Variants in TSPAN18 observed in about 807,000 individuals in gnomAD.
TSPAN18 encodes the protein tetraspanin-18.
In TSPAN18, 14 loss-of-function variants were observed where a neutral mutation model predicts 27.3. The ratio of observed to expected loss-of-function variants is 0.51; its 90% confidence interval spans 0.34 to 0.80. TSPAN18 has a LOEUF of 0.80. TSPAN18 is among the 30% of genes least tolerant of loss of function. TSPAN18 has a pLI of 0.01. For missense variants in TSPAN18, 268 were observed against 323.9 expected, an observed-to-expected ratio of 0.83 and a Z score of 1.32; for synonymous variants, 143 against 136.5, an observed-to-expected ratio of 1.05 and a Z score of -0.33.
intron 2 of TSPAN18, among the ~76,000 whole-genome samples, chr11:44,794,394 A>G (rs835847): frequency 0.96 from 145,794 of 152,260 alleles, 70,113 homozygotes; most frequent in South Asian, 1. Context: ...CTGGCCGGGC[A>G]TGGTAGCTCA....
At chr11:44,899,677 A>G (rs999077692) in intron 3 of TSPAN18, among the ~76,000 whole-genome samples, 1 of 152,216 alleles carries the variant, frequency 6.6e-6, no homozygotes, top group Non-Finnish European at 1.5e-5. Context: ...TTTCATGCTC[A>G]GCACAATTTC....
intron 3 of TSPAN18, among the ~76,000 whole-genome samples, chr11:44,879,938 G>T (rs759203172): frequency 5.4e-4 from 83 of 152,356 alleles, no homozygotes; most frequent in Non-Finnish European, 1.0e-3. Flanking sequence ...GTAGGCAAGA[G>T]ATGGCTCCTC....
Position 44,851,623 on chromosome 11 carries a change from C to CA in TSPAN18, c.-152-8705_-152-8704insA, listed in dbSNP as rs550526063. On this transcript the variant is annotated intron_variant, in intron 2 of 9. Coordinates refer to ENST00000520358, the MANE Select transcript of TSPAN18 (RefSeq NM_130783.5). ...CAGGTACTCTTGTCACCTCCCCCCC[C>CA]CAACGGCTGGGTCCCTGTCTACCTC... 2.6e-4 allele frequency among the ~76,000 whole-genome samples: 38 copies of CA among 148,596 alleles called. 1 individual carries two copies. The South Asian group carries it at 7.7e-3, about 30-fold the overall frequency.
intron 2 of TSPAN18, among the ~76,000 whole-genome samples, chr11:44,837,730 T>G (rs1857291591): frequency 6.6e-6 from 1 of 152,216 alleles, no homozygotes; most frequent in Admixed American, 6.5e-5. Flanking sequence ...TCAGCAGCCA[T>G]CAACATGGAG....
chr11:44,788,243 C>G (rs1422835087), intron 2 of TSPAN18, among the ~76,000 whole-genome samples: 1 of 152,164 alleles, frequency 6.6e-6, no homozygotes, highest in Non-Finnish European at 1.5e-5. Flanking sequence ...CTCAGCAGCT[C>G]TTGGGCTGCA....
At chr11:44,877,816 T>G (rs1228395693) in intron 3 of TSPAN18, among the ~76,000 whole-genome samples, 9 of 151,926 alleles carry the variant, frequency 5.9e-5, no homozygotes, top group Admixed American at 5.9e-4. Context: ...GGAAAATAGA[T>G]GTCTTTGTTT....
At chr11:44,817,430 T>C (rs1440578931) in intron 2 of TSPAN18, among the ~76,000 whole-genome samples, 2 of 152,228 alleles carry the variant, frequency 1.3e-5, no homozygotes, top group South Asian at 2.1e-4. Flanking sequence ...GCAGGTTGTG[T>C]TGATGTCTGC....
intron 2 of TSPAN18, among the ~76,000 whole-genome samples, chr11:44,778,652 A>C (rs1855868775): frequency 6.6e-6 from 1 of 152,174 alleles, no homozygotes; most frequent in Non-Finnish European, 1.5e-5. Flanking sequence ...GCCAGCCAGC[A>C]TTTGTTAATA....
intron 3 of TSPAN18, among the ~76,000 whole-genome samples, chr11:44,869,296 C>T (rs1858127363): frequency 6.6e-6 from 1 of 152,164 alleles, no homozygotes; most frequent in African/African-American, 2.4e-5. Flanking sequence ...AAAAGTCATT[C>T]CCATGCTGTG....
chr11:44,898,448 T>A (rs1167035571), intron 3 of TSPAN18, among the ~76,000 whole-genome samples: 1 of 152,270 alleles, frequency 6.6e-6, no homozygotes, highest in Admixed American at 6.5e-5. Flanking sequence ...CAAACAGTAG[T>A]GTCAGAAGTT....
chr11:44,755,121 A>G (rs752341848), intron 1 of TSPAN18, among the ~76,000 whole-genome samples: 52 of 152,128 alleles, frequency 3.4e-4, no homozygotes, highest in Admixed American at 5.2e-4. Flanking sequence ...GGATTGGGAC[A>G]TTCCCTCCCT....
At chr11:44,861,074 C>T (rs1014974465) in intron 3 of TSPAN18, among the ~76,000 whole-genome samples, 14 of 152,104 alleles carry the variant, frequency 9.2e-5, no homozygotes, top group African/African-American at 3.4e-4. Flanking sequence ...ATCCAGGGCT[C>T]AAATGATGCT....
chr11:44,802,975 C>T (rs547488319), intron 2 of TSPAN18, among the ~76,000 whole-genome samples: 44 of 152,090 alleles, frequency 2.9e-4, no homozygotes, highest in African/African-American at 7.2e-4. Context: ...AGAGTCATGG[C>T]GGAGGCATGG....
chr11:44,903,241 G>T, intron 3 of TSPAN18: 1 of 365,798 alleles, frequency 2.7e-6, no homozygotes, highest in Non-Finnish European at 5.4e-6. Context: ...GGTGATGCCT[G>T]TGACGAGTCT....
intron 3 of TSPAN18, among the ~76,000 whole-genome samples, chr11:44,887,288 G>C (rs1357177681): frequency 1.3e-5 from 2 of 152,182 alleles, no homozygotes; most frequent in Admixed American, 1.3e-4. Context: ...CTACTTGATA[G>C]GGACATTGCA....
chr11:44,883,564 C>T (rs1858554164), intron 3 of TSPAN18, among the ~76,000 whole-genome samples: 2 of 152,234 alleles, frequency 1.3e-5, no homozygotes, highest in Admixed American at 1.3e-4. Context: ...GAGACAACTC[C>T]ACCCAGGCCA....
chr11:44,924,905 C>T (rs528425420), intron 8 of TSPAN18, among the ~76,000 whole-genome samples: 7 of 152,316 alleles, frequency 4.6e-5, no homozygotes, highest in African/African-American at 1.2e-4. Flanking sequence ...TTAAAAAACT[C>T]GCTTAACAAA....
chr11:44,838,090 G>A (rs979909961), intron 2 of TSPAN18, among the ~76,000 whole-genome samples: 5 of 152,074 alleles, frequency 3.3e-5, no homozygotes, highest in Non-Finnish European at 4.4e-5. Context: ...TGTCCCAATC[G>A]CTGGAACCTG....
At chr11:44,853,783 G>A (rs1033952251) in intron 2 of TSPAN18, among the ~76,000 whole-genome samples, 7 of 152,208 alleles carry the variant, frequency 4.6e-5, no homozygotes, top group African/African-American at 1.7e-4. Context: ...GAGAGGACCA[G>A]GGCTTCACTT....
Sources: gnomAD v4.1 joint callset for allele counts (sites outside exome capture counted in the v4.1 genomes callset) on GRCh38, gnomAD v4.1.1 for gene constraint, MANE v1.5 for transcripts, NCBI Gene and HGNC (gene_info 2026-07-23, HGNC 2026-07-21) for gene names.